The following LIMS1 variants were observed in gnomAD, a reference collection of about 807,000 sequenced individuals.
LIMS1 encodes LIM zinc finger domain containing 1.
Under a neutral mutation model 44.1 loss-of-function variants are expected in LIMS1, and 18 were observed. The observed-to-expected ratio is 0.41, with a 90% CI of 0.28 to 0.61. LIMS1 has a LOEUF of 0.61. LIMS1 is among the 20% of genes least tolerant of loss of function. The pLI is 0.32. For missense variants in LIMS1, 201 were observed against 422.0 expected (o/e 0.48, Z 4.59); for synonymous variants, 93 against 149.1 (o/e 0.62, Z 2.74).
intron 1 of LIMS1, among the ~76,000 whole-genome samples, chr2:108,580,023 G>A (rs1027125816): frequency 6.6e-5 from 10 of 152,180 alleles, no homozygotes; most frequent in African/African-American, 1.2e-4. Context: ...AGCCAGGTCC[G>A]TTTTTACTGG....
At chr2:108,673,604 G>C (rs1692290647) in intron 5 of LIMS1, 2 of 160,200 alleles carry the variant, frequency 1.2e-5, no homozygotes, top group African/African-American at 4.8e-5. Flanking sequence ...GCCCAGGCTG[G>C]TCTCAAACTC....
chr2:108,621,768 T>G (rs1404936186), intron 1 of LIMS1, among the ~76,000 whole-genome samples: 1 of 152,222 alleles, frequency 6.6e-6, no homozygotes, highest in Admixed American at 6.5e-5. Context: ...CAACTGATTT[T>G]TCCACTTAGT....
At chr2:108,677,616 A>G (rs1692659400) in intron 7 of LIMS1, 1 of 239,288 alleles carries the variant, frequency 4.2e-6, no homozygotes, top group Non-Finnish European at 7.9e-6. Flanking sequence ...TGCAAACGAC[A>G]CTTCTCCAGC....
chr2:108,624,901 A>T (rs1420688369), intron 1 of LIMS1, among the ~76,000 whole-genome samples: 1 of 152,238 alleles, frequency 6.6e-6, no homozygotes, highest in African/African-American at 2.4e-5. Context: ...CAACATGGGG[A>T]AACCCAGCCT....
chr2:108,581,298 A>G (rs913081887), intron 1 of LIMS1, among the ~76,000 whole-genome samples: 6 of 152,208 alleles, frequency 3.9e-5, no homozygotes, highest in Non-Finnish European at 5.9e-5. Flanking sequence ...TAAGCTGCCA[A>G]CTAACATATG....
chr2:108,602,592 A>G (rs75547827), intron 1 of LIMS1, among the ~76,000 whole-genome samples: 3,817 of 152,272 alleles, frequency 0.025, 102 homozygotes, highest in African/African-American at 0.064. Flanking sequence ...GATGTATCAC[A>G]TTGATTGATT....
chr2:108,648,539 C>T lies in LIMS1; in HGVS notation c.33-11066C>T, dbSNP rs534045678. 3.3e-5 allele frequency among the ~76,000 whole-genome samples: 5 copies of T among 152,294 alleles called. No individual in the cohort carries two copies. In the East Asian group the frequency reaches 7.7e-4, roughly 23 times the overall value. ...AAAAAGAACAAAGCTGGAGGCATCA[C>T]GCTACCTGACTTCAAAGTATACTAC... On this transcript the variant is annotated intron_variant, in intron 1 of 9. Transcript: ENST00000544547.
chr2:108,596,152 C>T (rs139970432), intron 1 of LIMS1, among the ~76,000 whole-genome samples: 2,593 of 152,312 alleles, frequency 0.017, 82 homozygotes, highest in African/African-American at 0.059. Context: ...AGCCATTCAG[C>T]GGCCAACATT....
At chr2:108,625,867 G>A (rs868437046) in intron 1 of LIMS1, among the ~76,000 whole-genome samples, 5 of 152,270 alleles carry the variant, frequency 3.3e-5, no homozygotes, top group Admixed American at 3.3e-4. Context: ...TTTTTAAGTG[G>A]TGGGAATGTC....
intron 6 of LIMS1, among the ~76,000 whole-genome samples, chr2:108,676,327 G>C (rs1268008105): frequency 6.6e-6 from 1 of 152,232 alleles, no homozygotes; most frequent in Non-Finnish European, 1.5e-5. Context: ...GCCATGGTCT[G>C]TATCCAGCAG....
chr2:108,606,066 G>T (rs1406244801), intron 1 of LIMS1, among the ~76,000 whole-genome samples: 2 of 152,228 alleles, frequency 1.3e-5, no homozygotes, highest in Non-Finnish European at 2.9e-5. Flanking sequence ...GGTGAATCTG[G>T]CTGTTGTAGT....
chr2:108,620,274 C>A (rs543519307), intron 1 of LIMS1, among the ~76,000 whole-genome samples: 25 of 152,284 alleles, frequency 1.6e-4, no homozygotes, highest in Non-Finnish European at 3.2e-4. Context: ...AGACCCATTT[C>A]TCTGTGTTCT....
chr2:108,594,634 G>A (rs1686572808), intron 1 of LIMS1, among the ~76,000 whole-genome samples: 1 of 152,094 alleles, frequency 6.6e-6, no homozygotes, highest in Admixed American at 6.5e-5. Flanking sequence ...TAAGCAGCAT[G>A]TGTAGTTTTA....
intron 1 of LIMS1, among the ~76,000 whole-genome samples, chr2:108,536,107 T>TA (rs1304835994): frequency 6.6e-6 from 1 of 152,238 alleles, no homozygotes; most frequent in African/African-American, 2.4e-5. Flanking sequence ...ATAAAGGAGA[T>TA]AATAGTTTCC....
At chr2:108,557,551 C>T (rs888799761) in intron 1 of LIMS1, among the ~76,000 whole-genome samples, 3 of 151,392 alleles carry the variant, frequency 2.0e-5, no homozygotes, top group South Asian at 2.1e-4. Context: ...TAGTCTTGCT[C>T]TGTTGCCCTG....
chr2:108,675,786 T>A, intron 5 of LIMS1, 92 bp from the exon 6 acceptor site: 1 of 1,484,744 alleles, frequency 6.7e-7, no homozygotes, highest in Non-Finnish European at 9.4e-7. Context: ...GTCATAGTAA[T>A]GTCTTTAAAA....
In LIMS1 at chr2:108,582,972, T is replaced by G. The variant is rs1020402282; in HGVS notation, c.32+48378T>G. Among the ~76,000 whole-genome samples, 3 of 152,158 alleles carry G rather than the reference T, an allele frequency of 2.0e-5. No homozygotes were observed. The East Asian group carries it at 5.8e-4, about 29-fold the overall frequency. On this transcript the variant is annotated intron_variant, in intron 1 of 9. Coordinates refer to ENST00000544547, the Ensembl canonical transcript of LIMS1. ...CTTAATTGTTCCTTTATATTCTATT[T>G]AGAAACTCAAATCCTTTAAGACAAT...
intron 1 of LIMS1, among the ~76,000 whole-genome samples, chr2:108,631,449 C>A (rs1207561133): frequency 6.6e-6 from 1 of 152,036 alleles, no homozygotes; most frequent in Non-Finnish European, 1.5e-5. Context: ...CAGATTTAGA[C>A]CTACTCAAGG....
At chr2:108,584,009 A>G (rs977210320) in intron 1 of LIMS1, among the ~76,000 whole-genome samples, 1 of 152,022 alleles carries the variant, frequency 6.6e-6, no homozygotes, top group Non-Finnish European at 1.5e-5. Context: ...TGCTGTTTCT[A>G]TGTGAGACTG....
Sources: gnomAD v4.1 joint callset for allele counts (sites outside exome capture counted in the v4.1 genomes callset) on GRCh38, gnomAD v4.1.1 for gene constraint, MANE v1.5 for transcripts, NCBI Gene and HGNC (gene_info 2026-07-23, HGNC 2026-07-21) for gene names.